The following LMTK3 variants were observed in gnomAD, a reference collection of about 807,000 sequenced individuals.
LMTK3 encodes the protein lemur tail kinase 3.
In LMTK3, 27 loss-of-function variants were observed where a neutral mutation model predicts 116.7. The ratio of observed to expected loss-of-function variants is 0.23; its 90% confidence interval spans 0.17 to 0.32. The LOEUF (loss-of-function observed/expected upper bound fraction) is 0.32. Ranked by LOEUF, LMTK3 falls within the 10% of genes least tolerant of loss-of-function variation. The pLI is 1.00. For missense variants in LMTK3, 1,764 were observed against 2,068.5 expected (o/e 0.85, Z 2.86); for synonymous variants, 965 against 971.0 (o/e 0.99, Z 0.11).
intron 5 of LMTK3, among the ~76,000 whole-genome samples, chr19:48,507,507 G>A (rs2147558770): frequency 6.6e-6 from 1 of 152,338 alleles, no homozygotes; most frequent in South Asian, 2.1e-4. Context: ...GCCTACCAGG[G>A]GAGCCACTGG....
chr19:48,512,944 C>T (rs1225126304), upstream of LMTK3, among the ~76,000 whole-genome samples: 1 of 152,160 alleles, frequency 6.6e-6, no homozygotes, highest in Non-Finnish European at 1.5e-5. Context: ...GCACACATCA[C>T]ATACCTAAAC....
chr19:48,512,688 C>T (rs1480273500), upstream of LMTK3, among the ~76,000 whole-genome samples: 16 of 151,952 alleles, frequency 1.1e-4, no homozygotes, highest in Non-Finnish European at 1.3e-4. Flanking sequence ...TATACGGACA[C>T]GTAACATGCA....
Position 48,510,561 on chromosome 19 carries a change from A to C in LMTK3, c.108T>G (p.Ala36=), listed in dbSNP as rs544309046. The C allele has an allele frequency of 1.3e-6, 2 of 1,595,864 alleles. No individual in the cohort carries two copies. The highest frequency in any genetic ancestry group is 2.7e-5 in the African/African-American group (2 of 74,608). ...DGFALGRAPL[A]PPYAVVLISC... is the part of the protein sequence containing the mutation. ...AAATGAGGACCACAGCGTAGGGAGG[A>C]GCCAGAGGAGCCCGGCCCAGGGCGA... Residue 36 remains alanine, a synonymous_variant, in exon 2 of 15, where the codon GCT becomes GCG. Transcript: ENST00000600059.
intron 5 of LMTK3, among the ~76,000 whole-genome samples, chr19:48,506,618 C>T (rs1424865034): frequency 6.6e-6 from 1 of 152,178 alleles, no homozygotes. Context: ...GCTGTGTGTC[C>T]TCAGGAGAAC....
At chr19:48,510,276 C>G (rs1031449254) in intron 2 of LMTK3, 103 bp from the exon 3 acceptor site, 24 of 1,443,968 alleles carry the variant, frequency 1.7e-5, no homozygotes, top group Middle Eastern at 3.7e-4. Flanking sequence ...GTAACTGTCT[C>G]CCAGTCCCAG....
In LMTK3 at chr19:48,497,607, C is replaced by T. The variant is rs747673068; in HGVS notation, c.3462G>A (p.Pro1154=). ...QPPPPPLPPP[P]EAQPRRLEPA... Reference sequence around the variant, plus strand: ...GCTCCAGCCTCCTCGGCTGTGCCTCCGGTGGCGGTGGCAGCGGTGGCGGCG... The same window carrying T: ...GCTCCAGCCTCCTCGGCTGTGCCTCTGGTGGCGGTGGCAGCGGTGGCGGCG... Residue 1154 remains proline, a synonymous_variant, in exon 11 of 15, where the codon CCG becomes CCA. Transcript: ENST00000600059. This position sits in a 1 kb window ranked among gnomAD's most constrained non-coding sequence, Gnocchi z 5.7. 4.6e-6 allele frequency: 6 copies of T among 1,303,720 alleles called. No homozygotes were observed. The highest frequency in any genetic ancestry group is 3.9e-6 in the Non-Finnish European group (4 of 1,026,846). The allele number at this position is 1,303,720 out of a possible 1,614,324, so 80.8% of individuals were successfully genotyped here.
intron 5 of LMTK3, among the ~76,000 whole-genome samples, chr19:48,507,490 C>G (rs1408170751): frequency 6.6e-6 from 1 of 152,226 alleles, no homozygotes; most frequent in East Asian, 1.9e-4. Flanking sequence ...TCTTCTGGAC[C>G]AGCCCTGCCT....
intron 1 of LMTK3, 61 bp from the exon 2 acceptor site, chr19:48,510,653 C>G (rs1019217395): frequency 2.0e-6 from 3 of 1,471,720 alleles, no homozygotes; most frequent in South Asian, 2.8e-5. Flanking sequence ...GGAATCATGC[C>G]CCCTCCCGTC....
Position 48,511,623 on chromosome 19 carries a change from A to AG in LMTK3, c.-48dup, listed in dbSNP as rs775191456. 2.0e-3 allele frequency: 216 copies of AG among 107,396 alleles called. No individual in the cohort carries two copies. Among genetic ancestry groups the AG allele is most frequent in the African/African-American group, 0.011 (80 of 7,492 alleles). 6.7% of individuals were successfully genotyped at this position (107,396 alleles called of 1,614,324 possible). A position where few individuals can be genotyped will look rare whatever the true frequency, so the allele number is the denominator to read the frequency against. The stretch of plus-strand genomic sequence containing the variant: ...GTGGAGGTGGTGGCGGCTGGGGAGG[A>AG]GGGGGGGGCGGGCCCTCAGCCCCCA... On this transcript the variant is annotated 5_prime_UTR_variant, in exon 1 of 15. Transcript: ENST00000600059.
intron 5 of LMTK3, among the ~76,000 whole-genome samples, chr19:48,505,767 A>G (rs1034091192): frequency 6.6e-6 from 1 of 151,476 alleles, no homozygotes; most frequent in Non-Finnish European, 1.5e-5. Context: ...AGGCTGAGGC[A>G]GGAGAATTGC....
rs1001028596 is a variant in LMTK3 at position 48,501,067 on chromosome 19, G to A, written c.1080C>T (p.Leu360=). 7.6e-6 allele frequency: 12 copies of A among 1,572,012 alleles called. No individual in the cohort carries two copies. The highest frequency in any genetic ancestry group is 1.4e-5 in the African/African-American group (1 of 73,532). ...PYRHLSDEEV[L]AFVVRQQHVK... is the part of the protein sequence containing the mutation. ...CATGCTGCTGGCGGACCACGAAGGC[G>A]AGGACCTCCTCGTCTGACAGGTGGC... The change falls in exon 10 of 15, where the codon CTC becomes CTT. Residue 360 remains leucine (L), a synonymous_variant. Coordinates refer to ENST00000600059, the MANE Select transcript of LMTK3 (RefSeq NM_001388485.1).
At chr19:48,492,798 C>T (rs1361138278) in intron 12 of LMTK3, among the ~76,000 whole-genome samples, 2 of 152,086 alleles carry the variant, frequency 1.3e-5, no homozygotes, top group Non-Finnish European at 2.9e-5. Context: ...AGTACCCCCT[C>T]TTTCCTTCCA....
chr19:48,502,697 C>T (rs1601053390), intron 6 of LMTK3, 116 bp from the exon 7 acceptor site: 2 of 1,264,450 alleles, frequency 1.6e-6, no homozygotes, highest in East Asian at 2.6e-5. Context: ...CCTTAGTTTC[C>T]TCTGCTGCTT....
intron 12 of LMTK3, among the ~76,000 whole-genome samples, chr19:48,492,849 C>G (rs1179793173): frequency 2.0e-5 from 3 of 152,142 alleles, no homozygotes; most frequent in Non-Finnish European, 4.4e-5. Context: ...GCCCTCTAGA[C>G]CACGCCCCCG....
chr19:48,502,519 G>A lies in LMTK3; in HGVS notation c.708C>T (p.Pro236=), dbSNP rs1365802404. Residue 236 remains proline, a synonymous_variant, in exon 7 of 15, where the codon CCC becomes CCT. Coordinates refer to ENST00000600059, the MANE Select transcript of LMTK3 (RefSeq NM_001388485.1). ...TCTGCAGCGTCCGCAGGTCTCGAGG[G>A]GGTAGCTCAGGGGACAGGCCCTCGG... is the stretch of plus-strand genomic sequence containing the variant. The part of the protein sequence containing the change: ...RPPEGLSPEL[P]PRDLRTLQRM... 1.2e-6 allele frequency: 2 copies of A among 1,606,764 alleles called. No individual in the cohort carries two copies. The highest frequency in any genetic ancestry group is 2.3e-5 in the East Asian group (1 of 44,158).
In LMTK3 at chr19:48,485,430, G is replaced by A. The variant is rs967533215; in HGVS notation, c.*343C>T. On this transcript the variant is annotated 3_prime_UTR_variant, in exon 15 of 15. Coordinates refer to ENST00000600059, the MANE Select transcript of LMTK3 (RefSeq NM_001388485.1). ...AGCCTGCGGCCCCTGTCTTGGGCCA[G>A]GAGTGGGTGAGGAGGGACCTCCGCT... 2 of 269,094 alleles carry A rather than the reference G, an allele frequency of 7.4e-6. No individual in the cohort carries two copies. Among genetic ancestry groups the A allele is most frequent in the Admixed American group, 1.0e-4 (2 of 20,098 alleles). The allele number at this position is 269,094 out of a possible 1,614,324, so 16.7% of individuals were successfully genotyped here.
chr19:48,502,303 C>T (rs1212581138), intron 7 of LMTK3, 130 bp downstream of exon 7: 19 of 1,110,596 alleles, frequency 1.7e-5, no homozygotes, highest in Non-Finnish European at 2.0e-5. Context: ...TCCTCCATAC[C>T]CTCCTCGGTT....
Position 48,509,937 on chromosome 19 carries a change from C to T in LMTK3, c.361+86G>A, listed in dbSNP as rs555084340. On this transcript the variant is annotated intron_variant, in intron 3 of 14. Coordinates refer to ENST00000600059, the MANE Select transcript of LMTK3 (RefSeq NM_001388485.1). ...CCCATTGGCTGCCGCTGGTCTCAACCGCCCCAGCCCCTGAAGGAACACACT... is the reference window on the plus strand; with the variant it reads ...CCCATTGGCTGCCGCTGGTCTCAACTGCCCCAGCCCCTGAAGGAACACACT... 147 of 1,482,096 alleles carry T rather than the reference C, an allele frequency of 9.9e-5. 1 individual carries two copies. In the African/African-American group the frequency reaches 1.8e-3, roughly 18 times the overall value. The allele number at this position is 1,482,096 out of a possible 1,614,324, so 91.8% of individuals were successfully genotyped here. A position where few individuals can be genotyped will look rare whatever the true frequency, so the allele number is the denominator to read the frequency against.
chr19:48,502,441 G>A lies in LMTK3; in HGVS notation c.786C>T (p.Tyr262=), dbSNP rs1310650253. The A allele has an allele frequency of 6.2e-7, 1 of 1,610,382 alleles. No homozygotes were observed. Among genetic ancestry groups the A allele is most frequent in the East Asian group, 2.2e-5 (1 of 44,508 alleles). ...RGLAHLHSHN[Y]VHSDLALRNC... Reference sequence around the variant, plus strand: ...CTCCCCGGCCCGCCCACCTGTGCACGTAGTTGTGGGAATGCAGGTGCGCCA... The same window carrying A: ...CTCCCCGGCCCGCCCACCTGTGCACATAGTTGTGGGAATGCAGGTGCGCCA... Residue 262 remains tyrosine, a synonymous_variant, in exon 7 of 15, where the codon TAC becomes TAT. Coordinates refer to ENST00000600059, the MANE Select transcript of LMTK3 (RefSeq NM_001388485.1).
Sources: allele counts gnomAD v4.1 joint callset (sites outside exome capture counted in the v4.1 genomes callset), GRCh38; gene constraint gnomAD v4.1.1; non-coding constraint Gnocchi (gnomAD v3.1); transcripts MANE v1.5; gene names NCBI Gene and HGNC (gene_info 2026-07-23, HGNC 2026-07-21).